TOX: variants seen among roughly 807,000 people sequenced by gnomAD.
TOX encodes thymocyte selection-associated high mobility group box protein TOX.
A neutral mutation model predicts 53.7 loss-of-function variants in TOX; 11 were observed. The ratio of observed to expected loss-of-function variants is 0.20; its 90% CI spans 0.13 to 0.34. The LOEUF is 0.34. Ranked by LOEUF, TOX falls within the 10% of genes least tolerant of loss-of-function variation. TOX has a pLI of 1.00. For missense variants in TOX, 570 were observed against 664.6 expected (o/e 0.86, Z 1.56); for synonymous variants, 225 against 245.3 (o/e 0.92, Z 0.77).
rs759560775 is a variant in TOX, at chr8:58,807,787, T to C, written c.1545-4A>G. On this transcript the variant is annotated splice_region_variant and splice_polypyrimidine_tract_variant and intron_variant, in intron 8 of 8. Coordinates refer to ENST00000361421, the MANE Select transcript of TOX (RefSeq NM_014729.3). ...TGCTTTGTCCCTCTGCATGCCCCTGTAGGAAGAGAAAAAAGACAGTTCCTT... is the reference window on the plus strand; with the variant it reads ...TGCTTTGTCCCTCTGCATGCCCCTGCAGGAAGAGAAAAAAGACAGTTCCTT... The C allele has an allele frequency of 3.7e-6, 6 of 1,613,896 alleles. No homozygotes were observed. Among genetic ancestry groups the C allele is most frequent in the Admixed American group, 3.3e-5 (2 of 59,982 alleles).
chr8:59,004,477 T>A (rs948947429), intron 1 of TOX, among the ~76,000 whole-genome samples: 4 of 152,244 alleles, frequency 2.6e-5, no homozygotes, highest in African/African-American at 9.6e-5. Context: ...CACTAATCCA[T>A]ACACAAAATT....
Position 58,807,744 on chromosome 8 carries a change from T to C in TOX, c.*3A>G, listed in dbSNP as rs772720039. 1 of 1,614,082 alleles carries C rather than the reference T, an allele frequency of 6.2e-7. No individual in the cohort carries two copies. The highest frequency in any genetic ancestry group is 8.5e-7 in the Non-Finnish European group (1 of 1,179,952). ...TCAGTGGAAAGAAGAGGTGTTCAGA[T>C]TCTCAAGTAAGGTACAGTGCTTTGT... On this transcript the variant is annotated 3_prime_UTR_variant, in exon 9 of 9. Coordinates refer to ENST00000361421, the MANE Select transcript of TOX (RefSeq NM_014729.3).
intron 1 of TOX, among the ~76,000 whole-genome samples, chr8:59,031,780 G>A (rs1423455856): frequency 1.3e-5 from 2 of 152,116 alleles, no homozygotes; most frequent in African/African-American, 4.8e-5. Context: ...ACCCTGAGGT[G>A]GGAATAAGTT....
chr8:58,897,822 T>C (rs1435209773), intron 3 of TOX, among the ~76,000 whole-genome samples: 1 of 152,148 alleles, frequency 6.6e-6, no homozygotes, highest in African/African-American at 2.4e-5. Context: ...TTCTACATTT[T>C]TTTTTTAATT....
chr8:58,932,686 T>C (rs578084899), intron 3 of TOX, among the ~76,000 whole-genome samples: 19 of 152,306 alleles, frequency 1.2e-4, no homozygotes, highest in African/African-American at 4.6e-4. Flanking sequence ...GTCTTTTCCA[T>C]AATGGCAACA....
chr8:59,082,540 A>T lies in TOX; in HGVS notation c.102+36346T>A, dbSNP rs540398149. Among the ~76,000 whole-genome samples the T allele has an allele frequency of 6.6e-5, 10 of 152,362 alleles. No individual in the cohort carries two copies. In the East Asian group the frequency reaches 1.7e-3, roughly 26 times the overall value. On this transcript the variant is annotated intron_variant, in intron 1 of 8. Coordinates refer to ENST00000361421, the MANE Select transcript of TOX (RefSeq NM_014729.3). ...GTCCTTTACATCTCTACGTATGTAC[A>T]TCAAAAACATATTTACGAAATGCCT... is the stretch of plus-strand genomic sequence containing the variant.
rs1810807280 is a variant in TOX at position 58,851,117 on chromosome 8, T to C, written c.693+407A>G. On this transcript the variant is annotated intron_variant, in intron 4 of 8. Transcript: ENST00000361421. The surrounding 1 kb of genome is among the most constrained non-coding windows in gnomAD (Gnocchi z 4.4). Reference sequence around the variant, plus strand: ...TGGTTGGGTCAGGTGGCCACAAAGGTTTCATGTAACATCATCACCATACAT... The same window carrying C: ...TGGTTGGGTCAGGTGGCCACAAAGGCTTCATGTAACATCATCACCATACAT... Among the ~76,000 whole-genome samples, 1 of 151,230 alleles carries C rather than the reference T, an allele frequency of 6.6e-6. No individual in the cohort carries two copies. The highest frequency in any genetic ancestry group is 6.6e-5 in the Admixed American group (1 of 15,140).
rs1811970746 is a variant in TOX at position 58,914,644 on chromosome 8, A to G, written c.411+24658T>C. Among the ~76,000 whole-genome samples, 3 of 152,330 alleles carry G rather than the reference A, an allele frequency of 2.0e-5. No individual in the cohort carries two copies. In the South Asian group the frequency reaches 6.2e-4, roughly 32 times the overall value. ...AACAGTATCCTTCTCCCCCACAAAA[A>G]CTTGTTCAACCAAAAATGTCAATAA... On this transcript the variant is annotated intron_variant, in intron 3 of 8. Transcript: ENST00000361421.
chr8:58,891,976 T>C (rs78816153), intron 3 of TOX, among the ~76,000 whole-genome samples: 109 of 152,310 alleles, frequency 7.2e-4, no homozygotes, highest in African/African-American at 2.5e-3. Flanking sequence ...GTACATTTTC[T>C]AAAGCATTCG....
chr8:58,977,279 C>T (rs1430273971), intron 1 of TOX, among the ~76,000 whole-genome samples: 1 of 152,180 alleles, frequency 6.6e-6, no homozygotes, highest in African/African-American at 2.4e-5. Flanking sequence ...CATGAACCAA[C>T]CTCTGCTAGC....
At chr8:58,955,154 A>C (rs1483183919) in intron 2 of TOX, among the ~76,000 whole-genome samples, 1 of 152,158 alleles carries the variant, frequency 6.6e-6, no homozygotes, top group African/African-American at 2.4e-5. Context: ...TATCATTCTT[A>C]TTTTTAATCT....
intron 1 of TOX, among the ~76,000 whole-genome samples, chr8:59,113,573 G>A (rs922277895): frequency 6.6e-6 from 1 of 152,202 alleles, no homozygotes. Context: ...AAGGTAAGCT[G>A]AAGAGGGAGC....
At chr8:58,863,766 G>T (rs370946895) in intron 3 of TOX, among the ~76,000 whole-genome samples, 1 of 151,658 alleles carries the variant, frequency 6.6e-6, no homozygotes, top group Admixed American at 6.6e-5. Flanking sequence ...TCTGTGCCTC[G>T]CACTGTGAGA....
intron 1 of TOX, among the ~76,000 whole-genome samples, chr8:59,036,724 C>T (rs1037008016): frequency 6.6e-6 from 1 of 152,160 alleles, no homozygotes; most frequent in Non-Finnish European, 1.5e-5. Context: ...TTATTCATTA[C>T]TGGTCTTAAC....
chr8:58,847,896 C>T (rs1344732228), intron 4 of TOX, among the ~76,000 whole-genome samples: 6 of 152,000 alleles, frequency 3.9e-5, no homozygotes, highest in Non-Finnish European at 2.9e-5. Flanking sequence ...GAATTCTATA[C>T]CTAGCAAATG....
At chr8:59,068,015 A>T (rs1182108352) in intron 1 of TOX, among the ~76,000 whole-genome samples, 1 of 152,214 alleles carries the variant, frequency 6.6e-6, no homozygotes, top group African/African-American at 2.4e-5. Flanking sequence ...AATATTAGAC[A>T]TTATCATTGG....
intron 3 of TOX, among the ~76,000 whole-genome samples, chr8:58,888,988 A>G (rs1811517158): frequency 6.6e-6 from 1 of 152,050 alleles, no homozygotes; most frequent in African/African-American, 2.4e-5. Flanking sequence ...TTTTTCATCT[A>G]TCAGATTGGG....
intron 1 of TOX, among the ~76,000 whole-genome samples, chr8:59,108,200 C>G (rs1489796043): frequency 6.6e-6 from 1 of 152,190 alleles, no homozygotes; most frequent in African/African-American, 2.4e-5. Flanking sequence ...ACTAACAATA[C>G]AGTATATCTT....
chr8:58,922,811 C>G (rs1373058814), intron 3 of TOX, among the ~76,000 whole-genome samples: 1 of 152,208 alleles, frequency 6.6e-6, no homozygotes, highest in East Asian at 1.9e-4. Context: ...CCAGTGACAA[C>G]TCATTTTATA....
Sources: gnomAD v4.1 joint callset for allele counts (sites outside exome capture counted in the v4.1 genomes callset) on GRCh38, gnomAD v4.1.1 for gene constraint, Gnocchi (gnomAD v3.1) non-coding constraint, MANE v1.5 for transcripts, NCBI Gene and HGNC (gene_info 2026-07-23, HGNC 2026-07-21) for gene names.